LCLAT1: variants seen among roughly 807,000 people sequenced by gnomAD.
LCLAT1 encodes the protein lysocardiolipin acyltransferase 1.
In LCLAT1, 11 loss-of-function variants were observed where a neutral mutation model predicts 30.7. The ratio of observed to expected loss-of-function variants is 0.36; its 90% CI spans 0.23 to 0.59. The LOEUF (loss-of-function observed/expected upper bound fraction) is 0.59. Ranked by LOEUF, LCLAT1 falls within the 20% of genes least tolerant of loss-of-function variation. The pLI is 0.77. For synonymous variants in LCLAT1, 155 were observed against 151.3 expected, an observed-to-expected ratio of 1.02 and a Z score of -0.18; for missense variants, 402 against 458.6, an observed-to-expected ratio of 0.88 and a Z score of 1.13.
intron 1 of LCLAT1, among the ~76,000 whole-genome samples, chr2:30,481,171 C>T (rs1410831677): frequency 6.6e-6 from 1 of 152,082 alleles, no homozygotes; most frequent in African/African-American, 2.4e-5. Context: ...TTAGTTAGCA[C>T]AGAGGTAGAA....
chr2:30,640,320 C>T lies in LCLAT1; in HGVS notation c.832C>T (p.Arg278Cys), dbSNP rs374373733. 85 of 1,614,058 alleles carry T rather than the reference C, an allele frequency of 5.3e-5. No homozygotes were observed. The highest frequency in any genetic ancestry group is 1.5e-4 in the African/African-American group (11 of 74,924). Residue 278 changes from arginine (R) to cysteine (C), a missense_variant, in exon 6 of 6, where the codon CGT (arginine) becomes TGT (cysteine). Coordinates refer to ENST00000379509, the MANE Select transcript of LCLAT1 (RefSeq NM_001002257.3). ...KRWEEKEERLRSFYQGEKNFY... is the reference protein window; with the variant it reads ...KRWEEKEERLCSFYQGEKNFY... ...GTGGGAAGAGAAAGAAGAGAGGCTG[C>T]GTTCCTTCTATCAAGGGGAGAAGAA... is the stretch of plus-strand genomic sequence containing the variant.
chr2:30,620,784 C>G, intron 5 of LCLAT1, among the ~76,000 whole-genome samples: 1 of 152,212 alleles, frequency 6.6e-6, no homozygotes. Flanking sequence ...ATAAAAAATT[C>G]GTTTTCTTAT....
chr2:30,483,284 T>C (rs537254648), intron 1 of LCLAT1, among the ~76,000 whole-genome samples: 120 of 152,166 alleles, frequency 7.9e-4, no homozygotes, highest in African/African-American at 2.7e-3. Context: ...AGCCCAGGAG[T>C]TCGAGACCAG....
chr2:30,532,106 T>C (rs548261676), intron 2 of LCLAT1, among the ~76,000 whole-genome samples: 39 of 152,324 alleles, frequency 2.6e-4, no homozygotes, highest in Admixed American at 7.8e-4. Context: ...GAAAGTCTTA[T>C]ATATTGACAT....
rs563883867 is a variant in LCLAT1, at chr2:30,614,992, T to C, written c.629-25125T>C. ...ACCGAGGACAGTTCTGGTGGAATGATGAGGGCAGAAGCTTCATTGGCATGG... is the reference window on the plus strand; with the variant it reads ...ACCGAGGACAGTTCTGGTGGAATGACGAGGGCAGAAGCTTCATTGGCATGG... On this transcript the variant is annotated intron_variant, in intron 5 of 5. Transcript: ENST00000379509. Among the ~76,000 whole-genome samples, 12 of 152,134 alleles carry C rather than the reference T, an allele frequency of 7.9e-5. No homozygotes were observed. In the South Asian group the frequency reaches 2.1e-3, roughly 26 times the overall value.
intron 1 of LCLAT1, among the ~76,000 whole-genome samples, chr2:30,482,882 A>G (rs1333644953): frequency 6.6e-6 from 1 of 152,108 alleles, no homozygotes; most frequent in African/African-American, 2.4e-5. Flanking sequence ...GGAGTAAGAT[A>G]CACTTGGGGT....
At chr2:30,553,740 G>A (rs942920050) in intron 3 of LCLAT1, among the ~76,000 whole-genome samples, 3 of 152,022 alleles carry the variant, frequency 2.0e-5, no homozygotes, top group Admixed American at 6.5e-5. Context: ...GCGTGAACCC[G>A]GGAAGCGGAG....
chr2:30,559,508 T>A (rs1329461720), intron 3 of LCLAT1, among the ~76,000 whole-genome samples: 1 of 152,238 alleles, frequency 6.6e-6, no homozygotes, highest in African/African-American at 2.4e-5. Flanking sequence ...GATTTAATCA[T>A]TGTTGCTTCA....
chr2:30,579,751 T>C (rs1277564705), intron 5 of LCLAT1, among the ~76,000 whole-genome samples: 5 of 152,120 alleles, frequency 3.3e-5, no homozygotes, highest in Admixed American at 6.6e-5. Flanking sequence ...ACAAACTGTA[T>C]AGAAAAGAAA....
chr2:30,540,920 C>T (rs1664107868), intron 3 of LCLAT1, among the ~76,000 whole-genome samples: 1 of 152,138 alleles, frequency 6.6e-6, no homozygotes, highest in South Asian at 2.1e-4. Flanking sequence ...GCCTTAGCCT[C>T]CCAAAGTGCT....
chr2:30,479,391 A>G (rs990043043), intron 1 of LCLAT1, among the ~76,000 whole-genome samples: 1 of 151,860 alleles, frequency 6.6e-6, no homozygotes, highest in Admixed American at 6.6e-5. Context: ...CGCCATCCCC[A>G]TCTGTGGAGG....
chr2:30,634,610 A>T (rs745374389), intron 5 of LCLAT1, among the ~76,000 whole-genome samples: 44 of 152,362 alleles, frequency 2.9e-4, no homozygotes, highest in Non-Finnish European at 5.1e-4. Flanking sequence ...AAATAAAAAT[A>T]AATAATAATT....
Position 30,644,016 on chromosome 2 carries a change from A to T in LCLAT1, c.*3397A>T, listed in dbSNP as rs1468471653. 1 of 152,300 alleles carries T rather than the reference A, an allele frequency of 6.6e-6. No individual in the cohort carries two copies. Among genetic ancestry groups the T allele is most frequent in the Non-Finnish European group, 1.5e-5 (1 of 68,044 alleles). 9.4% of individuals were successfully genotyped at this position (152,300 alleles called of 1,614,324 possible). A position where few individuals can be genotyped will look rare whatever the true frequency, so the allele number is the denominator to read the frequency against. ...TAAGCTTCAGATTAGATATAGCCCT[A>T]AAGTTATCCTGTACCTGCATTAAAT... On this transcript the variant is annotated 3_prime_UTR_variant, in exon 6 of 6. Transcript: ENST00000379509.
intron 1 of LCLAT1, among the ~76,000 whole-genome samples, chr2:30,470,561 G>A (rs934902382): frequency 6.6e-6 from 1 of 152,212 alleles, no homozygotes; most frequent in Non-Finnish European, 1.5e-5. Context: ...AATGAGCAGA[G>A]ACAGCTTATG....
chr2:30,543,559 G>A (rs1664251702), intron 3 of LCLAT1, among the ~76,000 whole-genome samples: 1 of 151,968 alleles, frequency 6.6e-6, no homozygotes, highest in South Asian at 2.1e-4. Flanking sequence ...TCTAAGCTTG[G>A]AGTTTTTTTT....
intron 5 of LCLAT1, among the ~76,000 whole-genome samples, chr2:30,604,377 G>A (rs751566967): frequency 2.0e-5 from 3 of 152,078 alleles, no homozygotes; most frequent in Non-Finnish European, 2.9e-5. Context: ...ATTGGTAAGC[G>A]TTTTCTGTAG....
chr2:30,546,183 A>G (rs1317309668), intron 3 of LCLAT1, among the ~76,000 whole-genome samples: 1 of 152,174 alleles, frequency 6.6e-6, no homozygotes, highest in East Asian at 1.9e-4. Flanking sequence ...TTCAAGACAT[A>G]CGAAGACTGT....
In LCLAT1 at chr2:30,485,852, TG is replaced by T. The variant is rs1198703158; in HGVS notation, c.-5+38470del. ...ATTGTTTTTTAGCATGCTAATTTAC[TG>T]CTTTCTTAAACTCCCTTTTGGGCTT... On this transcript the variant is annotated intron_variant, in intron 1 of 5. Transcript: ENST00000379509. Among the ~76,000 whole-genome samples the T allele has an allele frequency of 5.3e-5, 8 of 152,312 alleles. No homozygotes were observed. The East Asian group carries it at 1.5e-3, about 29-fold the overall frequency.
intron 1 of LCLAT1, among the ~76,000 whole-genome samples, chr2:30,449,868 A>G (rs1490844333): frequency 6.6e-6 from 1 of 152,154 alleles, no homozygotes; most frequent in Non-Finnish European, 1.5e-5. Context: ...TACATTTTTT[A>G]AAAGAATAAT....
Sources: gnomAD v4.1 joint callset for allele counts (sites outside exome capture counted in the v4.1 genomes callset) on GRCh38, gnomAD v4.1.1 for gene constraint, MANE v1.5 for transcripts, NCBI Gene and HGNC (gene_info 2026-07-23, HGNC 2026-07-21) for gene names.